Variants in GNB4 observed in about 807,000 individuals in gnomAD.
GNB4 encodes the protein guanine nucleotide-binding protein subunit beta-4.
A neutral mutation model predicts 45.2 loss-of-function variants in GNB4; 28 were observed. That is an observed-to-expected ratio of 0.62 (90% CI 0.46 to 0.85). GNB4 has a LOEUF of 0.85. Ranked by LOEUF, GNB4 falls within the 40% of genes least tolerant of loss-of-function variation. GNB4 has a pLI of 0.00. For missense variants in GNB4, 321 were observed against 425.4 expected (o/e 0.75, Z 2.16); for synonymous variants, 132 against 143.7 (o/e 0.92, Z 0.58).
At chr3:179,426,924 A>T (rs747659152) in intron 1 of GNB4, among the ~76,000 whole-genome samples, 1 of 151,820 alleles carries the variant, frequency 6.6e-6, no homozygotes, top group African/African-American at 2.4e-5. Context: ...AAATCCTCCA[A>T]TGGTTTTCCA....
chr3:179,489,019 A>AAATAT, the GNB4 span, among the ~76,000 whole-genome samples: 1 of 21,386 alleles, frequency 4.7e-5, no homozygotes. Flanking sequence ...AAAAAAAAAA[A>AAATAT]ATATATATAT....
At chr3:179,475,997 C>G in the GNB4 span, among the ~76,000 whole-genome samples, 9 of 152,186 alleles carry the variant, frequency 5.9e-5, no homozygotes, top group Non-Finnish European at 1.3e-4. Flanking sequence ...TCACTCCATC[C>G]CAATAGCCCC....
At chr3:179,445,878 A>C (rs891305319) in intron 1 of GNB4, among the ~76,000 whole-genome samples, 1 of 152,236 alleles carries the variant, frequency 6.6e-6, no homozygotes, top group African/African-American at 2.4e-5. Context: ...TAATAACTAC[A>C]CAGTATATGA....
chr3:179,439,496 C>T (rs1252172479), intron 1 of GNB4, among the ~76,000 whole-genome samples: 3 of 150,378 alleles, frequency 2.0e-5, no homozygotes, highest in Admixed American at 1.3e-4. Flanking sequence ...ACACTTGGCC[C>T]CTGAAGAAAT....
chr3:179,448,521 C>A (rs564096837), intron 1 of GNB4, among the ~76,000 whole-genome samples: 1 of 150,960 alleles, frequency 6.6e-6, no homozygotes, highest in Non-Finnish European at 1.5e-5. Flanking sequence ...CATAAATACA[C>A]GGTTTGTTGT....
chr3:179,502,722 A>C, the GNB4 span, among the ~76,000 whole-genome samples: 1 of 152,216 alleles, frequency 6.6e-6, no homozygotes, highest in Non-Finnish European at 1.5e-5. Context: ...AAATACCCTG[A>C]ACATCAGTAA....
In GNB4 at chr3:179,404,281, T is replaced by C. The variant is rs143328558; in HGVS notation, c.916+909A>G. Among the ~76,000 whole-genome samples, 802 of 152,298 alleles carry C rather than the reference T, an allele frequency of 5.3e-3. 3 individuals are homozygous for C. The highest frequency in any genetic ancestry group is 7.9e-3 in the Non-Finnish European group (537 of 68,026). On this transcript the variant is annotated intron_variant, in intron 9 of 9. Coordinates refer to ENST00000232564, the MANE Select transcript of GNB4 (RefSeq NM_021629.4). ...AATCTATCATATGGGAAAAACTGGT[T>C]GGGAAGAACATGGCTACGGCAGGAG...
At chr3:179,475,938 G>A in the GNB4 span, among the ~76,000 whole-genome samples, 1 of 152,198 alleles carries the variant, frequency 6.6e-6, no homozygotes, top group Non-Finnish European at 1.5e-5. Context: ...TGATTTTGGA[G>A]AGGACATCCA....
At chr3:179,419,548 G>T (rs373957273) in intron 3 of GNB4, 43 bp from the exon 4 acceptor site, 1 of 1,172,098 alleles carries the variant, frequency 8.5e-7, no homozygotes, top group East Asian at 2.3e-5. Context: ...CTTAATCATA[G>T]TTCATGAGAT....
chr3:179,464,405 C>A, the GNB4 span: 4 of 1,310,346 alleles, frequency 3.1e-6, no homozygotes, highest in Admixed American at 3.5e-5. Flanking sequence ...CCGTGCACAG[C>A]TGCTCCCTCT....
chr3:179,466,271 A>T, the GNB4 span, among the ~76,000 whole-genome samples: 1 of 152,078 alleles, frequency 6.6e-6, no homozygotes, highest in Non-Finnish European at 1.5e-5. Flanking sequence ...TCGGCCTCCC[A>T]AAATGCTAGG....
At chr3:179,422,034 TTTAG>T (rs1309926725) in intron 2 of GNB4, among the ~76,000 whole-genome samples, 11 of 152,324 alleles carry the variant, frequency 7.2e-5, no homozygotes, top group East Asian at 3.9e-4. Flanking sequence ...TCTTTTTTAA[TTTAG>T]TTAGTTGTTA....
At chr3:179,433,602 C>A (rs1715366822) in intron 1 of GNB4, among the ~76,000 whole-genome samples, 4 of 149,940 alleles carry the variant, frequency 2.7e-5, no homozygotes, top group African/African-American at 5.0e-5. Flanking sequence ...AAAAAGAGAC[C>A]CTGTCTCTAA....
chr3:179,464,658 C>T, the GNB4 span: 1 of 1,105,424 alleles, frequency 9.0e-7, no homozygotes, highest in Non-Finnish European at 1.4e-6. Flanking sequence ...AATTGTGAAA[C>T]CAGCTTCAAT....
At chr3:179,408,231 A>G (rs1293341238) in intron 8 of GNB4, among the ~76,000 whole-genome samples, 1 of 152,212 alleles carries the variant, frequency 6.6e-6, no homozygotes, top group Non-Finnish European at 1.5e-5. Flanking sequence ...AAAAACAGAA[A>G]AAGTCACAGA....
At chr3:179,436,397 A>C (rs774546427) in intron 1 of GNB4, among the ~76,000 whole-genome samples, 2 of 152,186 alleles carry the variant, frequency 1.3e-5, no homozygotes, top group Non-Finnish European at 2.9e-5. Flanking sequence ...TCTCAAAATA[A>C]AATAAAATGA....
In GNB4 at chr3:179,405,179, T is replaced by C; in HGVS notation, c.916+11A>G. On this transcript the variant is annotated intron_variant, in intron 9 of 9. Transcript: ENST00000232564. ...TGAAAATCAGAACCTAATGTGGACTTATTTACTAACCTGCACGATCTCCTT... is the reference window on the plus strand; with the variant it reads ...TGAAAATCAGAACCTAATGTGGACTCATTTACTAACCTGCACGATCTCCTT... The C allele has an allele frequency of 6.2e-7, 1 of 1,604,084 alleles. No homozygotes were observed. The highest frequency in any genetic ancestry group is 8.5e-7 in the Non-Finnish European group (1 of 1,172,876).
At chr3:179,426,014 C>A (rs1715137055) in intron 2 of GNB4, 130 bp downstream of exon 2, 2 of 687,706 alleles carry the variant, frequency 2.9e-6, no homozygotes. Context: ...TCTTACTTCG[C>A]CATGTGAGAG....
At chr3:179,498,454 T>A in the GNB4 span, among the ~76,000 whole-genome samples, 8 of 152,358 alleles carry the variant, frequency 5.3e-5, 2 homozygotes, top group East Asian at 1.9e-4. Context: ...TGTTTGTTTT[T>A]GAGACAGAGT....
Sources: gnomAD v4.1 joint callset for allele counts (sites outside exome capture counted in the v4.1 genomes callset) on GRCh38, gnomAD v4.1.1 for gene constraint, MANE v1.5 for transcripts, NCBI Gene and HGNC (gene_info 2026-07-23, HGNC 2026-07-21) for gene names.